TMEM117: variants seen among roughly 807,000 people sequenced by gnomAD.
TMEM117 encodes transmembrane protein 117.
TMEM117 carries 27 observed loss-of-function variants against 52.4 expected under a neutral mutation model. The observed-to-expected ratio is 0.51, with a 90% CI of 0.38 to 0.71. TMEM117 has a LOEUF of 0.71. Among genes scored for constraint, TMEM117 ranks in the 30% least tolerant of loss-of-function variants. The pLI is 0.00. For missense variants in TMEM117, 556 were observed against 630.5 expected, an observed-to-expected ratio of 0.88 and a Z score of 1.26; for synonymous variants, 215 against 206.3, an observed-to-expected ratio of 1.04 and a Z score of -0.36.
intron 3 of TMEM117, among the ~76,000 whole-genome samples, chr12:44,142,026 T>C (rs1020155163): frequency 3.9e-5 from 6 of 152,188 alleles, no homozygotes; most frequent in Non-Finnish European, 7.4e-5. Flanking sequence ...TGCTTAGTGG[T>C]TAAATTTCTG....
chr12:43,804,568 A>T, the TMEM117 span: 1 of 1,594,588 alleles, frequency 6.3e-7, no homozygotes, highest in Non-Finnish European at 8.5e-7. Flanking sequence ...TAACATCTTC[A>T]CTTGCTGTGG....
At chr12:43,800,234 AAT>A in the TMEM117 span, among the ~76,000 whole-genome samples, 1 of 152,198 alleles carries the variant, frequency 6.6e-6, no homozygotes, top group Non-Finnish European at 1.5e-5. Context: ...ATCACTTGTC[AAT>A]GTCAAATAGA....
chr12:44,284,119 C>G (rs1350806098), intron 5 of TMEM117, among the ~76,000 whole-genome samples: 2 of 152,166 alleles, frequency 1.3e-5, no homozygotes, highest in Non-Finnish European at 2.9e-5. Context: ...TGGAGACCAT[C>G]CTGGCCAACA....
At chr12:43,863,327 G>A (rs541043635) in intron 2 of TMEM117, among the ~76,000 whole-genome samples, 2 of 152,304 alleles carry the variant, frequency 1.3e-5, no homozygotes, top group East Asian at 3.9e-4. Context: ...TAAGGAAGGA[G>A]GAGGTAGCTA....
At chr12:44,231,586 T>A (rs1404399381) in intron 5 of TMEM117, among the ~76,000 whole-genome samples, 1 of 151,784 alleles carries the variant, frequency 6.6e-6, no homozygotes, top group East Asian at 1.9e-4. Flanking sequence ...ACCCCCACAA[T>A]TAGTGTATGA....
chr12:43,927,501 C>G (rs567225212), intron 2 of TMEM117, among the ~76,000 whole-genome samples: 2 of 151,028 alleles, frequency 1.3e-5, no homozygotes, highest in South Asian at 2.1e-4. Flanking sequence ...ATGCTAACAT[C>G]TCACACTGAT....
intron 3 of TMEM117, among the ~76,000 whole-genome samples, chr12:43,957,323 TA>T (rs1421014529): frequency 1.3e-5 from 2 of 151,786 alleles, no homozygotes; most frequent in Admixed American, 6.6e-5. Context: ...GAAAAAGCTA[TA>T]AAAAAGGCAA....
At chr12:44,208,728 T>A (rs1949605562) in intron 4 of TMEM117, among the ~76,000 whole-genome samples, 2 of 135,548 alleles carry the variant, frequency 1.5e-5, no homozygotes, top group African/African-American at 3.1e-5. Flanking sequence ...AAAGAATGTT[T>A]TTTTTTTTTT....
chr12:44,157,279 G>A (rs565435940), intron 4 of TMEM117, among the ~76,000 whole-genome samples: 2 of 152,102 alleles, frequency 1.3e-5, no homozygotes, highest in African/African-American at 2.4e-5. Context: ...TGCTCAGGGG[G>A]TGGCTTATTT....
intron 4 of TMEM117, among the ~76,000 whole-genome samples, chr12:44,173,887 C>A (rs1949083267): frequency 6.6e-6 from 1 of 151,720 alleles, no homozygotes; most frequent in Non-Finnish European, 1.5e-5. Context: ...ACCTTTAATG[C>A]TTATTTTCCC....
chr12:44,044,455 A>G (rs1443363680), intron 3 of TMEM117, among the ~76,000 whole-genome samples: 1 of 152,224 alleles, frequency 6.6e-6, no homozygotes, highest in East Asian at 1.9e-4. Context: ...CCATCCTGCC[A>G]TAATGTGGAG....
At chr12:44,257,917 TAA>T (rs1253216733) in intron 5 of TMEM117, among the ~76,000 whole-genome samples, 3 of 152,170 alleles carry the variant, frequency 2.0e-5, no homozygotes, top group African/African-American at 7.2e-5. Flanking sequence ...TCATTGCTAT[TAA>T]GTCATAACTA....
At chr12:44,148,537 G>C (rs1948677749) in intron 4 of TMEM117, among the ~76,000 whole-genome samples, 1 of 151,968 alleles carries the variant, frequency 6.6e-6, no homozygotes, top group East Asian at 1.9e-4. Flanking sequence ...TGCAATATCT[G>C]TCTAAATATT....
intron 3 of TMEM117, among the ~76,000 whole-genome samples, chr12:44,138,497 G>A (rs535883873): frequency 6.6e-6 from 1 of 152,242 alleles, no homozygotes; most frequent in Non-Finnish European, 1.5e-5. Context: ...TATGCTGGAT[G>A]TATTCACAGT....
At position 44,120,996 on chromosome 12, in the gene TMEM117, A is replaced by G. The variant is rs538958395; in HGVS notation, c.411-22529A>G. ...AGAGGTTTATTGGACTTACAGTTCC[A>G]TGTGGCTGGAGAGGCCCCACAATCA... On this transcript the variant is annotated intron_variant, in intron 3 of 7. Transcript: ENST00000266534. Among the ~76,000 whole-genome samples, 6 of 152,356 alleles carry G rather than the reference A, an allele frequency of 3.9e-5. No homozygotes were observed. In the South Asian group the frequency reaches 1.2e-3, roughly 32 times the overall value.
chr12:44,279,675 G>A (rs1203334454), intron 5 of TMEM117, among the ~76,000 whole-genome samples: 2 of 151,916 alleles, frequency 1.3e-5, no homozygotes, highest in Non-Finnish European at 2.9e-5. Flanking sequence ...CACCACGCCC[G>A]CCTAATTTTT....
intron 2 of TMEM117, among the ~76,000 whole-genome samples, chr12:43,884,331 A>G (rs890577746): frequency 6.6e-6 from 1 of 152,000 alleles, no homozygotes; most frequent in African/African-American, 2.4e-5. Flanking sequence ...GAAATAGTAT[A>G]TATTATTATA....
intron 3 of TMEM117, among the ~76,000 whole-genome samples, chr12:44,076,678 T>C (rs1232879505): frequency 6.6e-6 from 1 of 152,200 alleles, no homozygotes; most frequent in East Asian, 1.9e-4. Context: ...GTAATCAGTG[T>C]CCACAGCAAT....
At chr12:44,008,095 G>T (rs1000340332) in intron 3 of TMEM117, among the ~76,000 whole-genome samples, 14 of 152,118 alleles carry the variant, frequency 9.2e-5, no homozygotes, top group African/African-American at 3.1e-4. Flanking sequence ...GTCAGAAAAA[G>T]ACCATTCACC....
Sources: gnomAD v4.1 joint callset for allele counts (sites outside exome capture counted in the v4.1 genomes callset) on GRCh38, gnomAD v4.1.1 for gene constraint, MANE v1.5 for transcripts, NCBI Gene and HGNC (gene_info 2026-07-23, HGNC 2026-07-21) for gene names.